Variants in PRSS22 observed in about 807,000 individuals in gnomAD.
The protein encoded by PRSS22 is serine protease 22, also known as brain-specific serine protease 4.
Under a neutral mutation model 28.0 loss-of-function variants are expected in PRSS22, and 26 were observed. The observed-to-expected ratio is 0.93, with a 90% CI of 0.68 to 1.29. The LOEUF (loss-of-function observed/expected upper bound fraction) is 1.29. PRSS22 is among the 50% of genes most tolerant of loss of function. The pLI is 0.00. For missense variants in PRSS22, 444 were observed against 422.1 expected (o/e 1.05, Z -0.46); for synonymous variants, 217 against 177.9 (o/e 1.22, Z -1.75).
intron 4 of PRSS22, 42 bp downstream of exon 4, chr16:2,855,532 C>T (rs775884822): frequency 3.7e-6 from 6 of 1,608,396 alleles, no homozygotes; most frequent in Non-Finnish European, 5.1e-6. Context: ...CATCCTCTGT[C>T]CCCATCTGCC....
chr16:2,856,252 A>T lies in PRSS22; in HGVS notation c.111T>A (p.Val37=), dbSNP rs144584103. 459 of 1,612,982 alleles carry T rather than the reference A, an allele frequency of 2.8e-4. No individual in the cohort carries two copies. The highest frequency in any genetic ancestry group is 3.8e-4 in the Non-Finnish European group (446 of 1,179,810). The change falls in exon 3 of 6, where the codon GTT becomes GTA. Residue 37 remains valine (V), a splice_region_variant and synonymous_variant. Coordinates refer to ENST00000161006, the MANE Select transcript of PRSS22 (RefSeq NM_022119.4). ...GCTGGGGCTTCCCACAGGCTGGGGG[A>T]ACTGGAGGGTACGGTCAAGTTTTGT... ...TAILNAARIP[V]PPACGKPQQL... is the part of the protein sequence containing the mutation.
At chr16:2,857,047 A>T in intron 1 of PRSS22, 199 bp from the exon 2 acceptor site, 1 of 618,034 alleles carries the variant, frequency 1.6e-6, no homozygotes, top group South Asian at 1.9e-5. Context: ...CCCCCTGAGG[A>T]GGGTCCCTCA....
At chr16:2,856,872 T>G (rs2069462794) in intron 1 of PRSS22, 24 bp from the exon 2 acceptor site, 2 of 1,551,620 alleles carry the variant, frequency 1.3e-6, no homozygotes, top group Non-Finnish European at 1.7e-6. Flanking sequence ...AAGGAAACGG[T>G]TAGGCCGGTG....
Position 2,856,841 on chromosome 16 carries a change from G to A in PRSS22, c.90C>T (p.Leu30=). The A allele has an allele frequency of 6.4e-7, 1 of 1,551,804 alleles. No individual in the cohort carries two copies. The highest frequency in any genetic ancestry group is 8.7e-7 in the Non-Finnish European group (1 of 1,147,038). ...ACTCACCAGGTATCCTGGCCGCATT[G>A]AGGATGGCTGAGGGCAAGAGAAGGA... ...SLLLLASTAI[L]NAARIPVPPA... The change falls in exon 2 of 6, where the codon CTC becomes CTT. Residue 30 remains leucine, a synonymous_variant. Coordinates refer to ENST00000161006, the MANE Select transcript of PRSS22 (RefSeq NM_022119.4).
intron 4 of PRSS22, 44 bp downstream of exon 4, chr16:2,855,530 G>C (rs2069446396): frequency 1.2e-6 from 2 of 1,606,732 alleles, no homozygotes; most frequent in Non-Finnish European, 8.5e-7. Context: ...GCCATCCTCT[G>C]TCCCCATCTG....
chr16:2,855,834 T>C lies in PRSS22; in HGVS notation c.299A>G (p.Tyr100Cys). The change falls in exon 4 of 6, where the codon TAC (tyrosine) becomes TGC (cysteine). Residue 100 changes from tyrosine to cysteine, a missense_variant. Transcript: ENST00000161006. Reference protein sequence around the residue: ...HCFKDNLNKPYLFSVLLGAWQ... With the variant: ...HCFKDNLNKPCLFSVLLGAWQ... ...GGCCCCCAGCAGCACAGAGAACAGGTATGGTTTGTTCAGGTTGCTGGAAGG... is the reference window on the plus strand; with the variant it reads ...GGCCCCCAGCAGCACAGAGAACAGGCATGGTTTGTTCAGGTTGCTGGAAGG... The C allele has an allele frequency of 2.5e-6, 4 of 1,611,834 alleles. No homozygotes were observed. Among genetic ancestry groups the C allele is most frequent in the Non-Finnish European group, 3.4e-6 (4 of 1,179,664 alleles).
In PRSS22 at chr16:2,853,100, C is replaced by T; in HGVS notation, c.947G>A (p.Arg316His). ...CCCGCGTCCCGCTGCGCCCTAGGAG[C>T]GCGCGGCGGCCCCAGAGCCCTGGCT... The part of the protein sequence containing the change: ...APSQGSGAAA[R>H]S The change falls in exon 6 of 6, where the codon CGC (arginine) becomes CAC (histidine). Residue 316 changes from arginine to histidine, a missense_variant. By Grantham distance (29) the Arg-to-His change is conservative (BLOSUM62 0). Transcript: ENST00000161006. This position sits in a 1 kb window ranked among gnomAD's most constrained non-coding sequence, Gnocchi z 4.6. 1 of 1,582,094 alleles carries T rather than the reference C, an allele frequency of 6.3e-7. No homozygotes were observed. The highest frequency in any genetic ancestry group is 8.6e-7 in the Non-Finnish European group (1 of 1,168,516).
rs1057023000 is a variant in PRSS22 at position 2,853,479 on chromosome 16, G to C, written c.718-150C>G. On this transcript the variant is annotated intron_variant, in intron 5 of 5. Coordinates refer to ENST00000161006, the MANE Select transcript of PRSS22 (RefSeq NM_022119.4). This position sits in a 1 kb window ranked among gnomAD's most constrained non-coding sequence, Gnocchi z 4.6. ...CAGGACCTGAGCTCCACCCAGGTGA[G>C]AAGTCCCCGGCGGCAGAGTAGGAGC... 1 of 689,068 alleles carries C rather than the reference G, an allele frequency of 1.5e-6. No individual in the cohort carries two copies. Among genetic ancestry groups the C allele is most frequent in the Non-Finnish European group, 2.4e-6 (1 of 416,946 alleles). 42.7% of individuals were successfully genotyped at this position (689,068 alleles called of 1,614,324 possible).
chr16:2,856,358 C>G, intron 2 of PRSS22, 105 bp from the exon 3 acceptor site: 1 of 1,170,928 alleles, frequency 8.5e-7, no homozygotes, highest in Non-Finnish European at 1.2e-6. Flanking sequence ...GCCCAAGCTC[C>G]GTTCATGTCC....
chr16:2,853,420 T>C lies in PRSS22; in HGVS notation c.718-91A>G, dbSNP rs1596325279. The C allele has an allele frequency of 1.9e-6, 2 of 1,046,516 alleles. No homozygotes were observed. 64.8% of individuals were successfully genotyped at this position (1,046,516 alleles called of 1,614,324 possible). ...CCCTGTCAGGGGGCAGATGAGCCCC[T>C]TCCCGGGAGCCCGTTTCTCCTTCCT... is the stretch of plus-strand genomic sequence containing the variant. On this transcript the variant is annotated intron_variant, in intron 5 of 5. Transcript: ENST00000161006. This position sits in a 1 kb window ranked among gnomAD's most constrained non-coding sequence, Gnocchi z 4.6.
chr16:2,856,903 G>A (rs1489684441), intron 1 of PRSS22, 55 bp from the exon 2 acceptor site: 3 of 1,544,064 alleles, frequency 1.9e-6, no homozygotes, highest in African/African-American at 1.4e-5. Context: ...GGACACAGTG[G>A]TGAGGGGCCC....
In PRSS22 at chr16:2,853,291, GCCGTC is replaced by G; in HGVS notation, c.751_755del (p.Asp251ArgfsTer98). 2 of 1,599,188 alleles carry G rather than the reference GCCGTC, an allele frequency of 1.3e-6. No homozygotes were observed. The highest frequency in any genetic ancestry group is 1.7e-6 in the Non-Finnish European group (2 of 1,179,382). ...TGATGATGCCGGCCAGCAGCCAGGC[GCCGTC>G]CACCTGGCACATGAGGGGGCCCCCG... On this transcript the variant is annotated frameshift_variant, in exon 6 of 6. Coordinates refer to ENST00000161006, the MANE Select transcript of PRSS22 (RefSeq NM_022119.4). LOFTEE classifies it low-confidence loss of function (END_TRUNC). This position sits in a 1 kb window ranked among gnomAD's most constrained non-coding sequence, Gnocchi z 4.6.
At chr16:2,856,621 C>T (rs929042874) in intron 2 of PRSS22, among the ~76,000 whole-genome samples, 10 of 151,952 alleles carry the variant, frequency 6.6e-5, no homozygotes, top group Non-Finnish European at 1.5e-4. Flanking sequence ...CTTCCTGGCT[C>T]TCTCTCTCCT....
rs755798377 is a variant in PRSS22, at chr16:2,856,237, C to T, written c.126G>A (p.Gly42=). The T allele has an allele frequency of 8.7e-6, 14 of 1,613,500 alleles. No homozygotes were observed. The highest frequency in any genetic ancestry group is 1.7e-5 in the Admixed American group (1 of 60,008). The stretch of plus-strand genomic sequence containing the variant: ...CAACCCGGTTCAGCTGCTGGGGCTT[C>T]CCACAGGCTGGGGGAACTGGAGGGT... ...AARIPVPPAC[G]KPQQLNRVVG... The change falls in exon 3 of 6, where the codon GGG becomes GGA. Residue 42 remains glycine (G), a synonymous_variant. Coordinates refer to ENST00000161006, the MANE Select transcript of PRSS22 (RefSeq NM_022119.4).
chr16:2,854,236 A>C (rs1268356893), intron 4 of PRSS22: 1 of 558,924 alleles, frequency 1.8e-6, no homozygotes, highest in African/African-American at 1.9e-5. Flanking sequence ...GTGAAACCTA[A>C]GACCCTACCT....
intron 2 of PRSS22, 71 bp downstream of exon 2, chr16:2,856,751 G>T: frequency 6.5e-7 from 1 of 1,527,074 alleles, no homozygotes; most frequent in Non-Finnish European, 8.9e-7. Context: ...CCAGGGGACG[G>T]ACACATAGAC....
Position 2,853,885 on chromosome 16 carries a change from C to G in PRSS22, c.697G>C (p.Gly233Arg). ...CTCACCAGACAAGCATCCCGCTCCCCCTCCAAGTAGCCGGCACACAGCATG... is the reference window on the plus strand; with the variant it reads ...CTCACCAGACAAGCATCCCGCTCCCGCTCCAAGTAGCCGGCACACAGCATG... The part of the protein sequence containing the change: ...EDMLCAGYLE[G>R]ERDACLGDSG... Residue 233 changes from glycine (G) to arginine (R), a missense_variant, in exon 5 of 6, where the codon GGG becomes CGG. Gly to Arg is a moderately radical substitution (Grantham distance 125). Transcript: ENST00000161006. This position sits in a 1 kb window ranked among gnomAD's most constrained non-coding sequence, Gnocchi z 4.6. 1.9e-6 allele frequency: 3 copies of G among 1,614,104 alleles called. No homozygotes were observed. The highest frequency in any genetic ancestry group is 1.1e-5 in the South Asian group (1 of 91,078).
rs1284570365 is a variant in PRSS22 at position 2,856,836 on chromosome 16, G to A, written c.95C>T (p.Ala32Val). 4 of 1,551,736 alleles carry A rather than the reference G, an allele frequency of 2.6e-6. No individual in the cohort carries two copies. Among genetic ancestry groups the A allele is most frequent in the South Asian group, 2.4e-5 (2 of 84,068 alleles). ...LLLASTAILN[A>V]ARIPVPPACG... ...GCTCCACTCACCAGGTATCCTGGCC[G>A]CATTGAGGATGGCTGAGGGCAAGAG... Residue 32 changes from alanine to valine, a missense_variant, in exon 2 of 6, where the codon GCG (alanine) becomes GTG (valine). Coordinates refer to ENST00000161006, the MANE Select transcript of PRSS22 (RefSeq NM_022119.4).
Position 2,856,171 on chromosome 16 carries a change from G to C in PRSS22, c.192C>G (p.Ile64Met), listed in dbSNP as rs1163270099. 1.2e-6 allele frequency: 2 copies of C among 1,613,714 alleles called. No homozygotes were observed. The highest frequency in any genetic ancestry group is 1.3e-5 in the African/African-American group (1 of 74,850). ...GGGTCCCATTCTTCTGGATGCTCAC[G>C]ATCCAGGGCCACTCGCTGTCAGTGC... ...EDSTDSEWPW[I>M]VSIQKNGTHH... Residue 64 changes from isoleucine (I) to methionine (M), a missense_variant, in exon 3 of 6, where the codon ATC becomes ATG. Physicochemically the swap from Ile to Met is conservative, Grantham distance 10. Transcript: ENST00000161006.
Sources: allele counts gnomAD v4.1 joint callset (sites outside exome capture counted in the v4.1 genomes callset), GRCh38; gene constraint gnomAD v4.1.1; non-coding constraint Gnocchi (gnomAD v3.1); transcripts MANE v1.5; gene names NCBI Gene and HGNC (gene_info 2026-07-23, HGNC 2026-07-21).